Variants in PATJ observed in about 807,000 individuals in gnomAD.
The protein encoded by PATJ is inaD-like protein.
Under a neutral mutation model 224.9 loss-of-function variants are expected in PATJ, and 190 were observed. The observed-to-expected ratio is 0.84, with a 90% CI of 0.75 to 0.95. The LOEUF (loss-of-function observed/expected upper bound fraction) is 0.95, where lower values mean the gene tolerates loss of function less well. PATJ is among the 40% of genes least tolerant of loss of function. The pLI is 0.00. For synonymous variants in PATJ, 769 were observed against 820.3 expected, an observed-to-expected ratio of 0.94 and a Z score of 1.07; for missense variants, 2,121 against 2,270.3, an observed-to-expected ratio of 0.93 and a Z score of 1.34.
At chr1:61,856,260 A>G in intron 18 of PATJ, 21 bp downstream of exon 18, 1 of 1,583,824 alleles carries the variant, frequency 6.3e-7, no homozygotes, top group Non-Finnish European at 8.7e-7. Context: ...TATTTTGTTA[A>G]TATAGGAAGT....
At chr1:62,157,219 G>T (rs1669318039) in intron 43 of PATJ, among the ~76,000 whole-genome samples, 1 of 151,830 alleles carries the variant, frequency 6.6e-6, no homozygotes, top group African/African-American at 2.4e-5. Flanking sequence ...AGCTACTCGG[G>T]AGGCTGAGGT....
chr1:61,969,410 T>G (rs1021578283), intron 27 of PATJ, among the ~76,000 whole-genome samples: 4 of 152,216 alleles, frequency 2.6e-5, no homozygotes, highest in African/African-American at 9.6e-5. Context: ...TTTTTGGTAG[T>G]AGCTACACTA....
intron 15 of PATJ, among the ~76,000 whole-genome samples, chr1:61,826,728 A>T (rs1658338353): frequency 6.6e-6 from 1 of 152,198 alleles, no homozygotes; most frequent in African/African-American, 2.4e-5. Flanking sequence ...CATATGAGAC[A>T]CTTGCATAAA....
At chr1:62,052,273 G>A (rs1370873852) in intron 31 of PATJ, among the ~76,000 whole-genome samples, 3 of 152,012 alleles carry the variant, frequency 2.0e-5, no homozygotes, top group African/African-American at 7.2e-5. Context: ...TATATCTTGC[G>A]ACTGCCACAG....
intron 31 of PATJ, among the ~76,000 whole-genome samples, chr1:62,054,054 G>C (rs1271946617): frequency 6.6e-6 from 1 of 152,116 alleles, no homozygotes; most frequent in East Asian, 1.9e-4. Flanking sequence ...ATATGAAATT[G>C]CCATTTTGGT....
intron 20 of PATJ, 115 bp downstream of exon 20, chr1:61,864,748 C>A: frequency 1.1e-6 from 1 of 880,308 alleles, no homozygotes; most frequent in Non-Finnish European, 1.7e-6. Flanking sequence ...TTCCGTAAGT[C>A]GTCACTGTTT....
intron 21 of PATJ, among the ~76,000 whole-genome samples, chr1:61,878,563 G>T (rs1351333495): frequency 6.6e-6 from 1 of 152,034 alleles, no homozygotes; most frequent in African/African-American, 2.4e-5. Flanking sequence ...AAAGTTTTAG[G>T]CTGGGTGTGG....
At chr1:62,065,268 T>A (rs1656221356) in intron 31 of PATJ, among the ~76,000 whole-genome samples, 1 of 152,090 alleles carries the variant, frequency 6.6e-6, no homozygotes, top group Admixed American at 6.6e-5. Flanking sequence ...GCAAGTAACC[T>A]CATGAACTCA....
intron 17 of PATJ, among the ~76,000 whole-genome samples, chr1:61,840,166 C>T (rs983205285): frequency 7.9e-5 from 12 of 151,658 alleles, no homozygotes; most frequent in African/African-American, 2.9e-4. Context: ...TTTTGACTGC[C>T]TATTAACTCT....
At chr1:61,919,124 C>T (rs999363199) in intron 26 of PATJ, among the ~76,000 whole-genome samples, 5 of 150,346 alleles carry the variant, frequency 3.3e-5, no homozygotes, top group South Asian at 2.1e-4. Flanking sequence ...GAAGTGTGTT[C>T]GTCTTATCTG....
intron 31 of PATJ, among the ~76,000 whole-genome samples, chr1:62,067,305 T>C (rs1656657880): frequency 6.6e-6 from 1 of 151,716 alleles, no homozygotes; most frequent in Non-Finnish European, 1.5e-5. Context: ...TTTTTTGTAT[T>C]TTTAGTAGAG....
At chr1:62,134,325 CCT>C (rs1302310658) in intron 41 of PATJ, among the ~76,000 whole-genome samples, 45 of 127,542 alleles carry the variant, frequency 3.5e-4, no homozygotes, top group African/African-American at 1.3e-3. Flanking sequence ...CGCACCCAGC[CCT>C]CTCTTTTTTT....
At position 62,046,237 on chromosome 1, in the gene PATJ, G is replaced by GAA. The variant is rs1196997891; in HGVS notation, c.4033-4729_4033-4728insAA. Among the ~76,000 whole-genome samples the GAA allele has an allele frequency of 6.2e-5, 9 of 145,438 alleles. No individual in the cohort carries two copies. In the East Asian group the frequency reaches 1.4e-3, roughly 22 times the overall value. On this transcript the variant is annotated intron_variant, in intron 30 of 43. Transcript: ENST00000642238. Reference sequence around the variant, plus strand: ...GAAGGAAGGAAGGAAAGGAAGGAAGGGAGGGAGGGAGGGAGGGAGGGAAAG... The same window carrying GAA: ...GAAGGAAGGAAGGAAAGGAAGGAAGGAAGAGGGAGGGAGGGAGGGAGGGAAAG...
At chr1:61,894,270 C>CAA (rs71050178) in intron 22 of PATJ, among the ~76,000 whole-genome samples, 23,164 of 148,534 alleles carry the variant, frequency 0.16, 2,374 homozygotes, top group African/African-American at 0.28. Flanking sequence ...AAAAAAAAAA[C>CAA]ACAAAAAAAA....
At chr1:61,868,704 G>A (rs565942212) in intron 20 of PATJ, among the ~76,000 whole-genome samples, 4 of 152,148 alleles carry the variant, frequency 2.6e-5, no homozygotes, top group Non-Finnish European at 5.9e-5. Context: ...CAGGAGAATC[G>A]CTTCAAACTG....
intron 1 of PATJ, 148 bp from the exon 2 acceptor site, chr1:61,762,710 A>G: frequency 2.2e-6 from 1 of 447,966 alleles, no homozygotes; most frequent in Non-Finnish European, 4.1e-6. Flanking sequence ...GTGGGTGTGT[A>G]GTGGCACCTC....
chr1:62,051,880 T>G (rs1018612698), intron 31 of PATJ, among the ~76,000 whole-genome samples: 1 of 152,212 alleles, frequency 6.6e-6, no homozygotes, highest in African/African-American at 2.4e-5. Context: ...TCAGACACTG[T>G]GCTGTGTTCT....
At chr1:61,791,319 A>G (rs1224841452) in intron 8 of PATJ, 29 bp from the exon 9 acceptor site, 1 of 1,312,816 alleles carries the variant, frequency 7.6e-7, no homozygotes. Context: ...CACTAAGCAT[A>G]TATAATTAAA....
chr1:62,159,561 T>TC (rs1669644300), intron 43 of PATJ, among the ~76,000 whole-genome samples: 1 of 151,108 alleles, frequency 6.6e-6, no homozygotes, highest in Non-Finnish European at 1.5e-5. Context: ...AATACTTTTT[T>TC]TTTTTTTTTT....
Sources: allele counts gnomAD v4.1 joint callset (sites outside exome capture counted in the v4.1 genomes callset), GRCh38; gene constraint gnomAD v4.1.1; transcripts MANE v1.5; gene names NCBI Gene and HGNC (gene_info 2026-07-23, HGNC 2026-07-21).